TRAF3IP2: variants seen among roughly 807,000 people sequenced by gnomAD.
TRAF3IP2 encodes the protein E3 ubiquitin ligase TRAF3IP2.
A neutral mutation model predicts 57.9 loss-of-function variants in TRAF3IP2; 35 were observed. That is an observed-to-expected ratio of 0.60 (90% CI 0.46 to 0.80). The LOEUF (loss-of-function observed/expected upper bound fraction) is 0.80, where lower values mean the gene tolerates loss of function less well. TRAF3IP2 is among the 30% of genes least tolerant of loss of function. The pLI, the probability that TRAF3IP2 is intolerant of heterozygous loss-of-function variation, is 0.00. For missense variants in TRAF3IP2, 556 were observed against 706.4 expected (o/e 0.79, Z 2.41); for synonymous variants, 251 against 268.9 (o/e 0.93, Z 0.65).
In TRAF3IP2 at chr6:111,555,578, TA is replaced by T. The variant is rs1795211106; in HGVS notation, c.*3826del. Among the ~76,000 whole-genome samples the T allele has an allele frequency of 6.6e-6, 1 of 152,206 alleles. No homozygotes were observed. Among genetic ancestry groups the T allele is most frequent in the Non-Finnish European group, 1.5e-5 (1 of 68,032 alleles). On this transcript the variant is annotated 3_prime_UTR_variant, in exon 9 of 9. Coordinates refer to ENST00000368761, the MANE Select transcript of TRAF3IP2 (RefSeq NM_147686.4). Reference sequence around the variant, plus strand: ...AAATTTAAAATTACATTTAAAATTCTAAATTAGTCATCAAATATTAGGTAAG... The same window carrying T: ...AAATTTAAAATTACATTTAAAATTCTAATTAGTCATCAAATATTAGGTAAG...
chr6:111,604,937 C>T (rs1383310581), intron 1 of TRAF3IP2, among the ~76,000 whole-genome samples: 1 of 152,196 alleles, frequency 6.6e-6, no homozygotes, highest in Non-Finnish European at 1.5e-5. Context: ...CATGTTAGAT[C>T]ACCACCCCCC....
At chr6:111,595,698 G>C (rs921547989) in intron 1 of TRAF3IP2, among the ~76,000 whole-genome samples, 1 of 152,042 alleles carries the variant, frequency 6.6e-6, no homozygotes, top group African/African-American at 2.4e-5. Context: ...CATGATGGCA[G>C]GCACCTGTAA....
chr6:111,597,072 TCAA>T (rs1260407977), intron 1 of TRAF3IP2, among the ~76,000 whole-genome samples: 2 of 152,224 alleles, frequency 1.3e-5, no homozygotes, highest in Non-Finnish European at 2.9e-5. Context: ...GAGAATGTTG[TCAA>T]CAACAATGTT....
At chr6:111,568,787 T>C (rs561982923) in intron 5 of TRAF3IP2, among the ~76,000 whole-genome samples, 1 of 152,222 alleles carries the variant, frequency 6.6e-6, no homozygotes, top group Admixed American at 6.5e-5. Context: ...TCCTGTCTAC[T>C]TTACTCCCCA....
intron 1 of TRAF3IP2, chr6:111,597,877 C>T (rs1562437465): frequency 2.2e-6 from 1 of 455,984 alleles, no homozygotes; most frequent in Non-Finnish European, 4.4e-6. Flanking sequence ...CTGGCATGAC[C>T]TTTGCTCCAG....
chr6:111,598,469 A>T (rs910794704), intron 1 of TRAF3IP2, among the ~76,000 whole-genome samples: 1 of 152,250 alleles, frequency 6.6e-6, no homozygotes, highest in African/African-American at 2.4e-5. Context: ...AAACTGTAGT[A>T]TATCTGTACA....
At chr6:111,592,504 T>TA (rs1390015669) in intron 1 of TRAF3IP2, among the ~76,000 whole-genome samples, 1 of 152,194 alleles carries the variant, frequency 6.6e-6, no homozygotes, top group East Asian at 1.9e-4. Context: ...GAGTTTTTTT[T>TA]AAAAGCCAGG....
intron 1 of TRAF3IP2, among the ~76,000 whole-genome samples, chr6:111,603,289 C>T (rs560559555): frequency 2.6e-5 from 4 of 152,094 alleles, no homozygotes; most frequent in African/African-American, 4.8e-5. Context: ...AGGAGAGGCC[C>T]GGGGGGCAGC....
chr6:111,594,784 G>A (rs764446639), intron 1 of TRAF3IP2, among the ~76,000 whole-genome samples: 20 of 151,696 alleles, frequency 1.3e-4, no homozygotes, highest in Non-Finnish European at 2.4e-4. Context: ...GTGCGGTGGC[G>A]TGAGCCTGTA....
chr6:111,595,814 C>T (rs1340450214), intron 1 of TRAF3IP2, among the ~76,000 whole-genome samples: 19 of 141,730 alleles, frequency 1.3e-4, no homozygotes, highest in South Asian at 4.4e-4. Context: ...GGTGACACAG[C>T]GAGACTCTGT....
chr6:111,586,097 A>C (rs1796325658), intron 2 of TRAF3IP2, among the ~76,000 whole-genome samples: 1 of 152,224 alleles, frequency 6.6e-6, no homozygotes, highest in Non-Finnish European at 1.5e-5. Context: ...CAGGAAACAA[A>C]ATGGCCAATA....
chr6:111,568,251 G>A (rs11153298), intron 5 of TRAF3IP2, among the ~76,000 whole-genome samples: 56,111 of 152,116 alleles, frequency 0.37, 11,515 homozygotes, highest in South Asian at 0.48. Flanking sequence ...TTACTGAAAC[G>A]GTAGGGAAGA....
chr6:111,595,638 G>T (rs925606885), intron 1 of TRAF3IP2, among the ~76,000 whole-genome samples: 4 of 152,040 alleles, frequency 2.6e-5, no homozygotes, highest in Admixed American at 2.6e-4. Context: ...GACCAGCCTG[G>T]CCAACATGGT....
chr6:111,601,099 C>A, intron 1 of TRAF3IP2: 1 of 670,158 alleles, frequency 1.5e-6, no homozygotes. Flanking sequence ...CGGTTGGGAG[C>A]ACTGACTGGT....
chr6:111,580,310 A>G lies in TRAF3IP2; in HGVS notation c.909T>C (p.Ser303=). 15 of 1,609,586 alleles carry G rather than the reference A, an allele frequency of 9.3e-6. No individual in the cohort carries two copies. Among genetic ancestry groups the G allele is most frequent in the Non-Finnish European group, 1.3e-5 (15 of 1,178,806 alleles). ...ALPGQPLPGA[S]VRGLHPVQKV... Reference sequence around the variant, plus strand: ...TCTGCACAGGGTGCAGGCCTCTCACACTGGCTCCAGGCAGGGGCTGCCCAG... The same window carrying G: ...TCTGCACAGGGTGCAGGCCTCTCACGCTGGCTCCAGGCAGGGGCTGCCCAG... The change falls in exon 3 of 9, where the codon AGT becomes AGC. Residue 303 remains serine, a synonymous_variant. Transcript: ENST00000368761.
chr6:111,583,098 C>G (rs1385064929), intron 2 of TRAF3IP2, among the ~76,000 whole-genome samples: 1 of 152,224 alleles, frequency 6.6e-6, no homozygotes, highest in Non-Finnish European at 1.5e-5. Flanking sequence ...TTTTACCTGT[C>G]AACTTCTTGC....
chr6:111,575,205 C>T (rs1795941596), intron 4 of TRAF3IP2, among the ~76,000 whole-genome samples: 1 of 151,990 alleles, frequency 6.6e-6, no homozygotes, highest in Admixed American at 6.6e-5. Context: ...GCCTAGGCAA[C>T]AGGAGTGAGA....
chr6:111,569,521 G>C (rs539521014), intron 5 of TRAF3IP2, among the ~76,000 whole-genome samples: 3 of 152,190 alleles, frequency 2.0e-5, no homozygotes, highest in South Asian at 2.1e-4. Flanking sequence ...GGAGGCTGAG[G>C]GGGGCAGATC....
At chr6:111,597,644 G>C (rs2128385094) in intron 1 of TRAF3IP2, among the ~76,000 whole-genome samples, 1 of 152,254 alleles carries the variant, frequency 6.6e-6, no homozygotes, top group East Asian at 1.9e-4. Context: ...TCTCACCATT[G>C]TATTTTTAAA....
Sources: gnomAD v4.1 joint callset for allele counts (sites outside exome capture counted in the v4.1 genomes callset) on GRCh38, gnomAD v4.1.1 for gene constraint, MANE v1.5 for transcripts, NCBI Gene and HGNC (gene_info 2026-07-23, HGNC 2026-07-21) for gene names.